ACTR3: variants seen among roughly 807,000 people sequenced by gnomAD.
ACTR3 encodes actin related protein 3.
In ACTR3, 12 loss-of-function variants were observed where a neutral mutation model predicts 56.8. That is an observed-to-expected ratio of 0.21 (90% confidence interval 0.14 to 0.34). The LOEUF is 0.34. Among genes scored for constraint, ACTR3 ranks in the 10% least tolerant of loss-of-function variants. The probability of loss-of-function intolerance (pLI) is 1.00; values close to 1 mark genes in which losing one functional copy is unlikely to be tolerated. For synonymous variants in ACTR3, 162 were observed against 167.4 expected (o/e 0.97, Z 0.25); for missense variants, 282 against 512.5 (o/e 0.55, Z 4.34).
intron 6 of ACTR3, among the ~76,000 whole-genome samples, chr2:113,937,051 G>C (rs139710862): frequency 1.1e-3 from 166 of 152,174 alleles, no homozygotes; most frequent in African/African-American, 3.6e-3. Flanking sequence ...CTTCAGCATG[G>C]GAATTTGGTG....
chr2:113,901,320 C>T (rs917784848), intron 1 of ACTR3, among the ~76,000 whole-genome samples: 2 of 152,166 alleles, frequency 1.3e-5, no homozygotes, highest in Non-Finnish European at 2.9e-5. Context: ...ATCGCGCTGT[C>T]GCACTTCAGC....
intron 1 of ACTR3, among the ~76,000 whole-genome samples, chr2:113,891,569 GT>G (rs749522901): frequency 2.1e-4 from 28 of 132,794 alleles, no homozygotes; most frequent in East Asian, 2.4e-4. Context: ...AACACTCCCA[GT>G]TTTTTTTTTT....
At chr2:113,945,994 A>G (rs1680013114) in intron 8 of ACTR3, among the ~76,000 whole-genome samples, 1 of 152,192 alleles carries the variant, frequency 6.6e-6, no homozygotes, top group Admixed American at 6.5e-5. Context: ...TTATAGCTGC[A>G]TAGTATTCCA....
rs888212768 is a variant in ACTR3, at chr2:113,960,542, A to G, written c.*3087A>G. 6.6e-6 allele frequency: 1 copy of G among 152,042 alleles called. No individual in the cohort carries two copies. Among genetic ancestry groups the G allele is most frequent in the African/African-American group, 2.4e-5 (1 of 41,436 alleles). The allele number at this position is 152,042 out of a possible 1,614,324, so 9.4% of individuals were successfully genotyped here. On this transcript the variant is annotated 3_prime_UTR_variant, in exon 12 of 12. Coordinates refer to ENST00000263238, the MANE Select transcript of ACTR3 (RefSeq NM_005721.5). ...TTCAGATAACCCTAAAGATGATACTAGAATGTTTATAAAATTATTGAGAAG... is the reference window on the plus strand; with the variant it reads ...TTCAGATAACCCTAAAGATGATACTGGAATGTTTATAAAATTATTGAGAAG...
intron 3 of ACTR3, among the ~76,000 whole-genome samples, chr2:113,926,385 C>T (rs575387886): frequency 2.1e-4 from 32 of 152,298 alleles, no homozygotes; most frequent in African/African-American, 7.5e-4. Context: ...AACTTTGCGG[C>T]GCCCTTGTGA....
At chr2:113,897,157 A>G (rs1679022074) in intron 1 of ACTR3, among the ~76,000 whole-genome samples, 1 of 152,210 alleles carries the variant, frequency 6.6e-6, no homozygotes, top group Admixed American at 6.5e-5. Context: ...TGTGTGCTGT[A>G]GCTTACCAAA....
At chr2:113,930,097 A>C (rs1679692647) in intron 4 of ACTR3, among the ~76,000 whole-genome samples, 1 of 152,212 alleles carries the variant, frequency 6.6e-6, no homozygotes, top group East Asian at 1.9e-4. Flanking sequence ...TACGATTGTT[A>C]TTATTAGCTA....
intron 10 of ACTR3, chr2:113,953,027 T>C (rs1680147149): frequency 6.6e-6 from 1 of 152,234 alleles, no homozygotes; most frequent in African/African-American, 2.4e-5. Flanking sequence ...ATGTTCTGGT[T>C]TTTTTGTTAG....
At chr2:113,909,621 G>GTTTT (rs202150469) in intron 1 of ACTR3, among the ~76,000 whole-genome samples, 1 of 127,742 alleles carries the variant, frequency 7.8e-6, no homozygotes, top group Non-Finnish European at 1.7e-5. Flanking sequence ...TGTTGTTGTT[G>GTTTT]TTTTTTTTTT....
At chr2:113,910,462 A>G (rs959289471) in intron 1 of ACTR3, among the ~76,000 whole-genome samples, 5 of 152,146 alleles carry the variant, frequency 3.3e-5, no homozygotes, top group African/African-American at 9.7e-5. Flanking sequence ...ATTGAACTCA[A>G]GGAGGGAGTA....
chr2:113,929,101 T>A (rs1679671835), intron 4 of ACTR3, among the ~76,000 whole-genome samples: 1 of 152,156 alleles, frequency 6.6e-6, no homozygotes, highest in Admixed American at 6.5e-5. Context: ...TTATCCATTT[T>A]CCTGTTGATG....
In ACTR3 at chr2:113,958,027, G is replaced by C. The variant is rs1234726783; in HGVS notation, c.*572G>C. On this transcript the variant is annotated 3_prime_UTR_variant, in exon 12 of 12. Transcript: ENST00000263238. Reference sequence around the variant, plus strand: ...TCCCCCCAAAAGGTTTTCTTTGCAAGTGCTTTTGGAACTAAGAGCTAGTAT... The same window carrying C: ...TCCCCCCAAAAGGTTTTCTTTGCAACTGCTTTTGGAACTAAGAGCTAGTAT... 1 of 152,422 alleles carries C rather than the reference G, an allele frequency of 6.6e-6. No homozygotes were observed. Among genetic ancestry groups the C allele is most frequent in the Non-Finnish European group, 1.5e-5 (1 of 68,174 alleles). 9.4% of individuals were successfully genotyped at this position (152,422 alleles called of 1,614,324 possible). A position where few individuals can be genotyped will look rare whatever the true frequency, so the allele number is the denominator to read the frequency against.
intron 1 of ACTR3, among the ~76,000 whole-genome samples, chr2:113,899,785 C>T (rs1215374868): frequency 1.3e-5 from 2 of 151,952 alleles, no homozygotes; most frequent in Non-Finnish European, 2.9e-5. Context: ...TTAATAATGC[C>T]CAGCAAATAT....
chr2:113,895,517 C>T (rs1678990083), intron 1 of ACTR3, among the ~76,000 whole-genome samples: 1 of 152,158 alleles, frequency 6.6e-6, no homozygotes, highest in Non-Finnish European at 1.5e-5. Flanking sequence ...GACTCAGAAT[C>T]TCAAGGGTTG....
chr2:113,905,022 G>A (rs977561633), intron 1 of ACTR3: 4 of 152,090 alleles, frequency 2.6e-5, no homozygotes, highest in African/African-American at 9.7e-5. Context: ...TACTTTGGGT[G>A]TGTTTTTGTA....
chr2:113,901,321 G>C (rs560942108), intron 1 of ACTR3, among the ~76,000 whole-genome samples: 3 of 152,188 alleles, frequency 2.0e-5, no homozygotes, highest in Admixed American at 2.0e-4. Context: ...TCGCGCTGTC[G>C]CACTTCAGCC....
chr2:113,947,614 A>G (rs143761428), intron 8 of ACTR3, among the ~76,000 whole-genome samples: 3 of 152,340 alleles, frequency 2.0e-5, no homozygotes, highest in Non-Finnish European at 2.9e-5. Context: ...GCATTGCACC[A>G]TTGTACTCCA....
intron 4 of ACTR3, among the ~76,000 whole-genome samples, chr2:113,929,130 G>GT (rs58347794): frequency 0.19 from 27,550 of 147,562 alleles, 2,794 homozygotes; most frequent in East Asian, 0.29. Flanking sequence ...GGCTATTTTT[G>GT]TTTTTTTTTT....
chr2:113,902,516 A>C (rs1679118920), intron 1 of ACTR3, among the ~76,000 whole-genome samples: 1 of 151,410 alleles, frequency 6.6e-6, no homozygotes, highest in South Asian at 2.1e-4. Context: ...AGCATTGTAG[A>C]TTTTTTTCAT....
Sources: allele counts gnomAD v4.1 joint callset (sites outside exome capture counted in the v4.1 genomes callset), GRCh38; gene constraint gnomAD v4.1.1; transcripts MANE v1.5; gene names NCBI Gene and HGNC (gene_info 2026-07-23, HGNC 2026-07-21).